The following ZNF248 variants were observed in gnomAD, a reference collection of about 807,000 sequenced individuals.
The protein encoded by ZNF248 is zinc finger protein 248, also known as KRAB protein domain.
In ZNF248, 20 loss-of-function variants were observed where a neutral mutation model predicts 44.3. That is an observed-to-expected ratio of 0.45 (90% confidence interval 0.32 to 0.66). The LOEUF is 0.66. Among genes scored for constraint, ZNF248 ranks in the 30% least tolerant of loss-of-function variants. The pLI, the probability that ZNF248 is intolerant of heterozygous loss-of-function variation, is 0.04. For synonymous variants in ZNF248, 224 were observed against 229.0 expected, an observed-to-expected ratio of 0.98 and a Z score of 0.20; for missense variants, 654 against 677.0, an observed-to-expected ratio of 0.97 and a Z score of 0.38.
In ZNF248 at chr10:37,835,210, T is replaced by C. The variant is rs558532086; in HGVS notation, c.239-2094A>G. ...CTGAGTCAGGAATGAGAACACATAG[T>C]TTTGCTTTTGAGTTATATCAGTGAA... On this transcript the variant is annotated intron_variant, in intron 5 of 5. Coordinates refer to ENST00000395867, the MANE Select transcript of ZNF248 (RefSeq NM_021045.3). Among the ~76,000 whole-genome samples, 105 of 152,266 alleles carry C rather than the reference T, an allele frequency of 6.9e-4. 1 individual carries two copies. The highest frequency in any genetic ancestry group is 1.3e-3 in the Non-Finnish European group (90 of 68,014).
chr10:37,843,860 T>C (rs2058791821), intron 3 of ZNF248, among the ~76,000 whole-genome samples: 1 of 151,898 alleles, frequency 6.6e-6, no homozygotes, highest in African/African-American at 2.4e-5. Context: ...TAATCTGGTA[T>C]GAGGAGCAGA....
At chr10:37,834,064 C>T (rs1172011685) in intron 5 of ZNF248, among the ~76,000 whole-genome samples, 1 of 152,040 alleles carries the variant, frequency 6.6e-6, no homozygotes, top group Non-Finnish European at 1.5e-5. Flanking sequence ...ATACCTTCCA[C>T]TCAACTAGAA....
rs1330724177 is a variant in ZNF248 at position 37,822,624 on chromosome 10, T to A, written c.330+10401A>T. ...TGTTATATTCATTATAATAATATAG[T>A]CAAGATCAGGGGTGTCCAATCTTGA... On this transcript the variant is annotated intron_variant, in intron 6 of 6. Coordinates refer to the ZNF248 transcript ENST00000615949. 2.0e-5 allele frequency among the ~76,000 whole-genome samples: 3 copies of A among 152,092 alleles called. No homozygotes were observed. The East Asian group carries it at 5.8e-4, about 29-fold the overall frequency.
chr10:37,829,770 T>C lies in ZNF248; in HGVS notation c.*1845A>G. The C allele has an allele frequency of 7.1e-6, 7 of 985,370 alleles. No individual in the cohort carries two copies. The highest frequency in any genetic ancestry group is 8.4e-6 in the Non-Finnish European group (7 of 829,912). The allele number at this position is 985,370 out of a possible 1,614,324, so 61.0% of individuals were successfully genotyped here. ...AGAGTCTCTTCTCATGTCATGACAATGTTGTATCAAGGAGATCTTTCCCAG... is the reference window on the plus strand; with the variant it reads ...AGAGTCTCTTCTCATGTCATGACAACGTTGTATCAAGGAGATCTTTCCCAG... On this transcript the variant is annotated 3_prime_UTR_variant, in exon 6 of 6. Transcript: ENST00000395867.
At chr10:37,848,010 C>T (rs886942509) in intron 3 of ZNF248, among the ~76,000 whole-genome samples, 3 of 152,200 alleles carry the variant, frequency 2.0e-5, no homozygotes. Context: ...GTGGCTCACG[C>T]CTGTAATCCC....
At chr10:37,769,790 A>G in the ZNF248 span, among the ~76,000 whole-genome samples, 1 of 152,236 alleles carries the variant, frequency 6.6e-6, no homozygotes, top group Non-Finnish European at 1.5e-5. Flanking sequence ...AGGCAGGAGA[A>G]GAAAATAAAG....
intron 6 of ZNF248, among the ~76,000 whole-genome samples, chr10:37,817,289 A>T (rs1022591952): frequency 2.0e-5 from 3 of 152,138 alleles, no homozygotes; most frequent in Non-Finnish European, 4.4e-5. Context: ...TTTTTCTTGA[A>T]TAAGTAGTGG....
chr10:37,765,409 C>T, the ZNF248 span, among the ~76,000 whole-genome samples: 1 of 152,156 alleles, frequency 6.6e-6, no homozygotes, highest in Non-Finnish European at 1.5e-5. Context: ...ATATTTGTAG[C>T]AATAGATAGG....
downstream of ZNF248, among the ~76,000 whole-genome samples, chr10:37,771,792 A>T (rs571409096): frequency 4.6e-5 from 7 of 152,054 alleles, no homozygotes; most frequent in South Asian, 2.1e-4. Flanking sequence ...AAATAAAATT[A>T]AAAAAAACAA....
intron 6 of ZNF248, chr10:37,795,759 G>A (rs751880864): frequency 2.0e-5 from 3 of 152,028 alleles, no homozygotes; most frequent in Non-Finnish European, 4.4e-5. Context: ...CATTAATTCT[G>A]AAATATATTT....
the ZNF248 span, among the ~76,000 whole-genome samples, chr10:37,766,531 C>T: frequency 1.3e-5 from 2 of 152,202 alleles, no homozygotes; most frequent in African/African-American, 4.8e-5. Flanking sequence ...GAGTGGACCT[C>T]TAGCAAACTC....
chr10:37,831,656 G>C lies in ZNF248; in HGVS notation c.1699C>G (p.Gln567Glu). The C allele has an allele frequency of 6.2e-7, 1 of 1,613,930 alleles. No homozygotes were observed. The highest frequency in any genetic ancestry group is 8.5e-7 in the Non-Finnish European group (1 of 1,179,868). Reference sequence around the variant, plus strand: ...GCTTTCACCCTTGTGTGAATTCTCTGATGTTTGGTGAGCACTGACCTCTGA... The same window carrying C: ...GCTTTCACCCTTGTGTGAATTCTCTCATGTTTGGTGAGCACTGACCTCTGA... ...FSQRSVLTKH[Q>E]RIHTRVKALS... Residue 567 changes from glutamine (Q) to glutamate (E), a missense_variant, in exon 6 of 6, where the codon CAG (glutamine) becomes GAG (glutamate). Coordinates refer to ENST00000395867, the MANE Select transcript of ZNF248 (RefSeq NM_021045.3).
intron 6 of ZNF248, among the ~76,000 whole-genome samples, chr10:37,811,751 T>C (rs1029381070): frequency 1.3e-5 from 2 of 150,820 alleles, no homozygotes; most frequent in Non-Finnish European, 1.5e-5. Flanking sequence ...GAAGCTGAGG[T>C]GGGAGGATTG....
At chr10:37,791,039 TTTC>T (rs1176470993) in intron 6 of ZNF248, among the ~76,000 whole-genome samples, 1 of 137,584 alleles carries the variant, frequency 7.3e-6, no homozygotes, top group Non-Finnish European at 1.5e-5. Context: ...TACTTTGTTA[TTTC>T]TTTTTTTTTT....
At chr10:37,813,654 A>G (rs1260267702) in intron 6 of ZNF248, among the ~76,000 whole-genome samples, 3 of 152,190 alleles carry the variant, frequency 2.0e-5, no homozygotes, top group Admixed American at 2.0e-4. Flanking sequence ...ATACATATAC[A>G]TAATACATGT....
the ZNF248 span, among the ~76,000 whole-genome samples, chr10:37,769,883 CA>C: frequency 6.6e-6 from 1 of 152,146 alleles, no homozygotes; most frequent in African/African-American, 2.4e-5. Context: ...CCCATTGTCT[CA>C]GCCCAAAATC....
intron 3 of ZNF248, among the ~76,000 whole-genome samples, chr10:37,855,095 A>G (rs2061038884): frequency 6.6e-6 from 1 of 152,234 alleles, no homozygotes; most frequent in South Asian, 2.1e-4. Context: ...ATAAGAATAT[A>G]CATACATATT....
chr10:37,778,083 C>T (rs1423282477), intron 6 of ZNF248, among the ~76,000 whole-genome samples: 7 of 152,046 alleles, frequency 4.6e-5, no homozygotes, highest in Non-Finnish European at 1.0e-4. Flanking sequence ...ATGGTACTTC[C>T]AGTTCTAGAT....
chr10:37,801,803 G>C lies in ZNF248; in HGVS notation c.331-25228C>G, dbSNP rs11011373. Among the ~76,000 whole-genome samples the C allele has an allele frequency of 2.0e-5, 3 of 152,234 alleles. No individual in the cohort carries two copies. The East Asian group carries it at 5.8e-4, about 29-fold the overall frequency. On this transcript the variant is annotated intron_variant, in intron 6 of 6. Coordinates refer to the ZNF248 transcript ENST00000615949. ...GTGCAGTACCACAGATGAAAGGAGG[G>C]AATTGTTCAAGCAGAGCTATGTTAA... is the stretch of plus-strand genomic sequence containing the variant.
Sources: allele counts gnomAD v4.1 joint callset (sites outside exome capture counted in the v4.1 genomes callset), GRCh38; gene constraint gnomAD v4.1.1; transcripts MANE v1.5; gene names NCBI Gene and HGNC (gene_info 2026-07-23, HGNC 2026-07-21).